PCGF3: variants seen among roughly 807,000 people sequenced by gnomAD.
PCGF3 encodes polycomb group RING finger protein 3.
A neutral mutation model predicts 33.1 loss-of-function variants in PCGF3; 7 were observed. That is an observed-to-expected ratio of 0.21 (90% CI 0.12 to 0.40). The LOEUF is 0.40. Among genes scored for constraint, PCGF3 ranks in the 10% least tolerant of loss-of-function variants. PCGF3 has a pLI of 1.00. For synonymous variants in PCGF3, 153 were observed against 121.3 expected (o/e 1.26, Z -1.72); for missense variants, 211 against 313.3 (o/e 0.67, Z 2.46).
chr4:757,441 T>A (rs1038436043), intron 8 of PCGF3: 1 of 152,276 alleles, frequency 6.6e-6, no homozygotes, highest in African/African-American at 2.4e-5. Context: ...TGTGTTCCCG[T>A]ATAGAAACGT....
At position 744,701 on chromosome 4, in the gene PCGF3, C is replaced by CG. The variant is rs779198381; in HGVS notation, c.462+18dup. 31 of 1,503,214 alleles carry CG rather than the reference C, an allele frequency of 2.1e-5. No individual in the cohort carries two copies. Among genetic ancestry groups the CG allele is most frequent in the East Asian group, 5.0e-5 (2 of 40,396 alleles). The allele number at this position is 1,503,214 out of a possible 1,614,324, so 93.1% of individuals were successfully genotyped here. ...CAGCGACGAGCAGGTGGGCGGGGCC[C>CG]GGGGGTCGCTGCAGTGTTAGTGTTC... On this transcript the variant is annotated intron_variant, in intron 8 of 10. Transcript: ENST00000362003.
At chr4:730,937 G>A in intron 2 of PCGF3, 33 bp from the exon 3 acceptor site, 1 of 398,180 alleles carries the variant, frequency 2.5e-6, no homozygotes, top group Non-Finnish European at 4.4e-6. Context: ...TCCATGACGC[G>A]AAGTGAACTA....
chr4:733,776 G>A (rs1743718428), exon 4 of PCGF3: 3 of 1,613,740 alleles, frequency 1.9e-6, no homozygotes, highest in Non-Finnish European at 2.5e-6. Flanking sequence ...CGGTGACCGA[G>A]TGTCTGCACA....
chr4:728,035 C>T (rs1427594941), intron 1 of PCGF3, among the ~76,000 whole-genome samples: 1 of 152,208 alleles, frequency 6.6e-6, no homozygotes, highest in Non-Finnish European at 1.5e-5. Context: ...CTCTGCTAGT[C>T]TCAATGCTGG....
chr4:763,588 C>G (rs78798558), intron 9 of PCGF3, among the ~76,000 whole-genome samples: 1 of 152,202 alleles, frequency 6.6e-6, no homozygotes, highest in South Asian at 2.1e-4. Flanking sequence ...ATTCGGGAAA[C>G]GCCGGGAGCG....
chr4:737,309 C>A (rs900111194), intron 5 of PCGF3, among the ~76,000 whole-genome samples, 157 bp from the exon 6 acceptor site: 2 of 152,182 alleles, frequency 1.3e-5, no homozygotes, highest in Admixed American at 6.5e-5. Context: ...TCATACATGG[C>A]TTTTGGTGAC....
rs77428065 is a variant in PCGF3, at chr4:763,799, C to T, written c.601-1185C>T. Reference sequence around the variant, plus strand: ...CTTCATAATTACCAAAACCTGGAAGCGACCAAGATGCCCTTCAGTAGATAA... The same window carrying T: ...CTTCATAATTACCAAAACCTGGAAGTGACCAAGATGCCCTTCAGTAGATAA... On this transcript the variant is annotated intron_variant, in intron 9 of 10. Transcript: ENST00000362003. Among the ~76,000 whole-genome samples the T allele has an allele frequency of 9.2e-4, 140 of 152,304 alleles. 1 individual carries two copies. The East Asian group carries it at 0.02, about 22-fold the overall frequency.
Position 765,215 on chromosome 4 carries a change from C to A in PCGF3, c.681+151C>A. On this transcript the variant is annotated intron_variant, in intron 10 of 10. Coordinates refer to ENST00000362003, the Ensembl canonical transcript of PCGF3. Reference sequence around the variant, plus strand: ...TTGGGAGGACGAGGCGGGCGGATCACGAGGTCAGGAGATCCAGACAATCCT... The same window carrying A: ...TTGGGAGGACGAGGCGGGCGGATCAAGAGGTCAGGAGATCCAGACAATCCT... The A allele has an allele frequency of 2.4e-5, 14 of 586,994 alleles. No homozygotes were observed. The South Asian group carries it at 2.7e-4, about 11-fold the overall frequency. The allele number at this position is 586,994 out of a possible 1,614,324, so 36.4% of individuals were successfully genotyped here.
In PCGF3 at chr4:726,431, A is replaced by G. The variant is rs115346139; in HGVS notation, c.-189-4199A>G. On this transcript the variant is annotated intron_variant, in intron 1 of 10. Coordinates refer to ENST00000362003, the Ensembl canonical transcript of PCGF3. ...GCCCACGGGGCACAGCCGGGCCACGATGGCCAGGCCCTGGTCTAGGTTGTG... is the reference window on the plus strand; with the variant it reads ...GCCCACGGGGCACAGCCGGGCCACGGTGGCCAGGCCCTGGTCTAGGTTGTG... 6.6e-3 allele frequency among the ~76,000 whole-genome samples: 1,012 copies of G among 152,302 alleles called. 13 individuals carry two copies. Among genetic ancestry groups the G allele is most frequent in the African/African-American group, 0.023 (965 of 41,558 alleles).
At chr4:766,776 G>GC (rs1009654091) in exon 11 of PCGF3, 1 of 152,192 alleles carries the variant, frequency 6.6e-6, no homozygotes, top group Non-Finnish European at 1.5e-5. Flanking sequence ...TGGAAACGGG[G>GC]CCCCAGACGC....
exon 11 of PCGF3, chr4:766,161 G>A: frequency 2.7e-6 from 3 of 1,103,980 alleles, no homozygotes; most frequent in Non-Finnish European, 4.1e-6. Flanking sequence ...ATTGCCTCTG[G>A]GTGTCATGTG....
At chr4:738,693 C>A (rs924798800) in intron 6 of PCGF3, among the ~76,000 whole-genome samples, 21 of 140,552 alleles carry the variant, frequency 1.5e-4, no homozygotes, top group Non-Finnish European at 1.4e-4. Context: ...ACCAAAAATA[C>A]AAAAAAAAAA....
At chr4:749,531 G>A (rs1744421597) in intron 8 of PCGF3, among the ~76,000 whole-genome samples, 1 of 135,810 alleles carries the variant, frequency 7.4e-6, no homozygotes, top group Non-Finnish European at 1.5e-5. Flanking sequence ...CCAGGCTGGA[G>A]TGTGGAGTGC....
At chr4:763,340 C>T (rs1193407395) in intron 9 of PCGF3, among the ~76,000 whole-genome samples, 1 of 152,082 alleles carries the variant, frequency 6.6e-6, no homozygotes, top group African/African-American at 2.4e-5. Flanking sequence ...AGAGGTTGGC[C>T]ATTTCCCAGC....
chr4:730,366 A>C, intron 1 of PCGF3, among the ~76,000 whole-genome samples: 1 of 151,722 alleles, frequency 6.6e-6, no homozygotes, highest in Admixed American at 6.6e-5. Flanking sequence ...TGGGGCCCCC[A>C]GCTGCCCCCC....
At chr4:714,641 G>A (rs1452222434) in intron 1 of PCGF3, among the ~76,000 whole-genome samples, 5 of 152,152 alleles carry the variant, frequency 3.3e-5, no homozygotes, top group Non-Finnish European at 5.9e-5. Context: ...AGACCCCCTG[G>A]CGTTGGAGGT....
chr4:726,567 G>A (rs1743341885), intron 1 of PCGF3, among the ~76,000 whole-genome samples: 1 of 152,200 alleles, frequency 6.6e-6, no homozygotes, highest in Non-Finnish European at 1.5e-5. Flanking sequence ...TTCATGGTCA[G>A]TTTTGTTTTC....
Position 765,566 on chromosome 4 carries a change from G to A in PCGF3, c.682-466G>A, listed in dbSNP as rs554639192. On this transcript the variant is annotated intron_variant, in intron 10 of 10. Coordinates refer to ENST00000362003, the Ensembl canonical transcript of PCGF3. ...CTGCGAAGGGCACAGGCCCTGGTGG[G>A]AAAGTGCTGAGGCCATGAGTGCCAT... Among the ~76,000 whole-genome samples, 11 of 152,378 alleles carry A rather than the reference G, an allele frequency of 7.2e-5. No homozygotes were observed. In the South Asian group the frequency reaches 2.1e-3, roughly 29 times the overall value.
rs947729625 is a variant in PCGF3, at chr4:731,129, G to A, written c.-10+19G>A. On this transcript the variant is annotated intron_variant, in intron 3 of 10. Transcript: ENST00000362003. ...AGCGGAGGTGAGGCCCACGCCCCCC[G>A]ACCCCGGGGGTCCTGCTGACTCCTT... 2.5e-6 allele frequency: 1 copy of A among 398,550 alleles called. No homozygotes were observed. The highest frequency in any genetic ancestry group is 3.6e-5 in the East Asian group (1 of 28,062). 24.7% of individuals were successfully genotyped at this position (398,550 alleles called of 1,614,324 possible).
Sources: gnomAD v4.1 joint callset for allele counts (sites outside exome capture counted in the v4.1 genomes callset) on GRCh38, gnomAD v4.1.1 for gene constraint, MANE v1.5 for transcripts, NCBI Gene and HGNC (gene_info 2026-07-23, HGNC 2026-07-21) for gene names.